The following B3GALT1 variants were observed in gnomAD, a reference collection of about 807,000 sequenced individuals.
The protein encoded by B3GALT1 is UDP-Gal:betaGlcNAc beta 1,3-galactosyltransferase, polypeptide 1.
In B3GALT1, 10 loss-of-function variants were observed where a neutral mutation model predicts 23.2. That is an observed-to-expected ratio of 0.43 (90% CI 0.27 to 0.73). The LOEUF (loss-of-function observed/expected upper bound fraction) is 0.73. Ranked by LOEUF, B3GALT1 falls within the 30% of genes least tolerant of loss-of-function variation. The pLI, the probability that B3GALT1 is intolerant of heterozygous loss-of-function variation, is 0.21. For missense variants in B3GALT1, 299 were observed against 405.4 expected, an observed-to-expected ratio of 0.74 and a Z score of 2.25; for synonymous variants, 156 against 141.5, an observed-to-expected ratio of 1.10 and a Z score of -0.73.
At chr2:167,413,813 A>G (rs1414662884) in intron 1 of B3GALT1, among the ~76,000 whole-genome samples, 1 of 151,838 alleles carries the variant, frequency 6.6e-6, no homozygotes, top group East Asian at 1.9e-4. Flanking sequence ...TTAAGTTTCT[A>G]TACTATCATT....
intron 2 of B3GALT1, among the ~76,000 whole-genome samples, chr2:167,595,878 G>T (rs1470328792): frequency 6.6e-6 from 1 of 152,170 alleles, no homozygotes; most frequent in Non-Finnish European, 1.5e-5. Context: ...GCATGTAATG[G>T]TTATTCTCAT....
chr2:167,611,149 TA>T (rs960242224), intron 2 of B3GALT1, among the ~76,000 whole-genome samples: 1 of 151,360 alleles, frequency 6.6e-6, no homozygotes, highest in Non-Finnish European at 1.5e-5. Flanking sequence ...AAATAAAAGT[TA>T]AAAAAAAGAA....
chr2:167,776,045 C>T (rs1352710898), intron 3 of B3GALT1, among the ~76,000 whole-genome samples: 1 of 82,244 alleles, frequency 1.2e-5, no homozygotes, highest in South Asian at 4.3e-4. Context: ...ACTGTGCACA[C>T]ACACACACAC....
chr2:167,599,001 A>T (rs897294945), intron 2 of B3GALT1, among the ~76,000 whole-genome samples: 1 of 152,196 alleles, frequency 6.6e-6, no homozygotes, highest in Non-Finnish European at 1.5e-5. Context: ...AGAGATTTGT[A>T]AAATATTAGA....
At chr2:167,493,747 T>G (rs1477105521) in intron 2 of B3GALT1, among the ~76,000 whole-genome samples, 1 of 152,186 alleles carries the variant, frequency 6.6e-6, no homozygotes, top group Non-Finnish European at 1.5e-5. Context: ...GCTGCAGATT[T>G]GCTGATGACA....
chr2:167,308,073 T>A (rs897061883), intron 1 of B3GALT1, among the ~76,000 whole-genome samples: 1 of 152,076 alleles, frequency 6.6e-6, no homozygotes. Flanking sequence ...TGTTGGAATG[T>A]TACTGTGTGT....
chr2:167,811,732 CT>C (rs1402597867), intron 3 of B3GALT1, among the ~76,000 whole-genome samples: 2 of 152,202 alleles, frequency 1.3e-5, no homozygotes, highest in Non-Finnish European at 2.9e-5. Flanking sequence ...GCTGCTGCAG[CT>C]TCCCTGTTAT....
intron 3 of B3GALT1, among the ~76,000 whole-genome samples, chr2:167,678,980 G>C (rs1295339843): frequency 6.6e-6 from 1 of 151,824 alleles, no homozygotes; most frequent in Non-Finnish European, 1.5e-5. Context: ...CCAAAGACTT[G>C]GAGTTTTTTA....
At position 167,738,324 on chromosome 2, in the gene B3GALT1, G is replaced by A. The variant is rs558223332; in HGVS notation, c.-351-80348G>A. On this transcript the variant is annotated intron_variant, in intron 3 of 4. Transcript: ENST00000392690. ...ATCTTTCTTGGTTAAATGTCATTGT[G>A]CATCTATATATGGAGTGGGCCAAGG... Among the ~76,000 whole-genome samples, 201 of 152,274 alleles carry A rather than the reference G, an allele frequency of 1.3e-3. 1 individual carries two copies. The highest frequency in any genetic ancestry group is 4.6e-3 in the African/African-American group (190 of 41,566).
At chr2:167,586,741 T>A (rs1157947657) in intron 2 of B3GALT1, among the ~76,000 whole-genome samples, 3 of 151,938 alleles carry the variant, frequency 2.0e-5, no homozygotes, top group Non-Finnish European at 2.9e-5. Flanking sequence ...TTAAGATAAG[T>A]TAAGGAACAT....
intron 1 of B3GALT1, among the ~76,000 whole-genome samples, chr2:167,440,973 A>G (rs1307066701): frequency 6.6e-6 from 1 of 152,040 alleles, no homozygotes; most frequent in Non-Finnish European, 1.5e-5. Context: ...ATTCTAATGG[A>G]ATATGGTTAT....
intron 2 of B3GALT1, among the ~76,000 whole-genome samples, chr2:167,603,601 A>T (rs1011293974): frequency 2.0e-5 from 3 of 152,224 alleles, no homozygotes; most frequent in Non-Finnish European, 4.4e-5. Flanking sequence ...CTGGTTATCT[A>T]AATATTCCTA....
intron 3 of B3GALT1, among the ~76,000 whole-genome samples, chr2:167,661,253 C>A (rs993185049): frequency 3.3e-5 from 5 of 152,038 alleles, no homozygotes; most frequent in Admixed American, 3.3e-4. Flanking sequence ...ATTGAAGATG[C>A]TTTTATAGCT....
chr2:167,733,843 G>A (rs1187717021), intron 3 of B3GALT1, among the ~76,000 whole-genome samples: 1 of 152,174 alleles, frequency 6.6e-6, no homozygotes, highest in Non-Finnish European at 1.5e-5. Flanking sequence ...TGGTCTTAAG[G>A]AGATGTTGTG....
chr2:167,591,950 A>T (rs1209572895), intron 2 of B3GALT1, among the ~76,000 whole-genome samples: 1 of 152,168 alleles, frequency 6.6e-6, no homozygotes, highest in Non-Finnish European at 1.5e-5. Context: ...GTGATAGGTG[A>T]TCAGATTCTG....
intron 1 of B3GALT1, among the ~76,000 whole-genome samples, chr2:167,300,894 A>G (rs1456525249): frequency 6.6e-6 from 1 of 152,192 alleles, no homozygotes; most frequent in Non-Finnish European, 1.5e-5. Flanking sequence ...CCACAATTAC[A>G]AGTAAATGGA....
intron 2 of B3GALT1, among the ~76,000 whole-genome samples, chr2:167,579,832 T>C (rs73026070): frequency 0.054 from 8,188 of 152,132 alleles, 550 homozygotes; most frequent in African/African-American, 0.16. Flanking sequence ...GTCTTTAAAG[T>C]CCCTCACCTT....
intron 4 of B3GALT1, among the ~76,000 whole-genome samples, chr2:167,857,242 G>A (rs373132515): frequency 1.3e-5 from 2 of 152,018 alleles, no homozygotes; most frequent in Admixed American, 1.3e-4. Flanking sequence ...GCAGTGGGGA[G>A]GAGAGCATAG....
At chr2:167,527,519 G>A (rs888153752) in intron 2 of B3GALT1, among the ~76,000 whole-genome samples, 1 of 151,936 alleles carries the variant, frequency 6.6e-6, no homozygotes, top group Admixed American at 6.6e-5. Context: ...ATCATGTTAT[G>A]CCATTTATTT....
Sources: allele counts gnomAD v4.1 joint callset (sites outside exome capture counted in the v4.1 genomes callset), GRCh38; gene constraint gnomAD v4.1.1; transcripts MANE v1.5; gene names NCBI Gene and HGNC (gene_info 2026-07-23, HGNC 2026-07-21).